Variants in ZNF490 observed in about 807,000 individuals in gnomAD.
ZNF490 encodes zinc finger protein 490.
In ZNF490, 11 loss-of-function variants were observed where a neutral mutation model predicts 17.7. The ratio of observed to expected loss-of-function variants is 0.62; its 90% confidence interval spans 0.39 to 1.03. The LOEUF is 1.03. Ranked by LOEUF, ZNF490 falls within the 50% of genes least tolerant of loss-of-function variation. The pLI is 0.00. For missense variants in ZNF490, 542 were observed against 643.4 expected, an observed-to-expected ratio of 0.84 and a Z score of 1.71; for synonymous variants, 222 against 216.1, an observed-to-expected ratio of 1.03 and a Z score of -0.24.
chr19:12,583,783 CTCTCTCTCTATATA>C (rs1383536492), intron 2 of ZNF490, among the ~76,000 whole-genome samples: 5 of 89,096 alleles, frequency 5.6e-5, no homozygotes, highest in African/African-American at 2.0e-4. Flanking sequence ...CTCTCTCTCT[CTCTCTCTCTATATA>C]TATATATATA....
At chr19:12,593,264 T>C (rs536052209) in intron 2 of ZNF490, among the ~76,000 whole-genome samples, 7 of 152,030 alleles carry the variant, frequency 4.6e-5, no homozygotes, top group Admixed American at 3.3e-4. Flanking sequence ...TTTTTTCCCT[T>C]TGAGATGAAG....
chr19:12,598,986 CAAA>C (rs961842896), intron 2 of ZNF490, among the ~76,000 whole-genome samples: 3 of 127,308 alleles, frequency 2.4e-5, no homozygotes, highest in Non-Finnish European at 3.3e-5. Context: ...GACTCCATCT[CAAA>C]AAAAAAAAAA....
chr19:12,601,951 A>G lies in ZNF490; in HGVS notation c.162+7207T>C, dbSNP rs376331654. On this transcript the variant is annotated intron_variant, in intron 2 of 4. Coordinates refer to ENST00000311437, the MANE Select transcript of ZNF490 (RefSeq NM_020714.3). The stretch of plus-strand genomic sequence containing the variant: ...GGAGCTTGCAGTGAGCCGAGATCGC[A>G]CCACTGCACTCCAGCCTGGGCGAGA... Among the ~76,000 whole-genome samples the G allele has an allele frequency of 1.1e-4, 17 of 151,642 alleles. No homozygotes were observed. In the East Asian group the frequency reaches 1.9e-3, roughly 17 times the overall value.
At chr19:12,583,318 C>T (rs1027367425) in intron 3 of ZNF490, 112 bp downstream of exon 3, 53 of 1,288,438 alleles carry the variant, frequency 4.1e-5, no homozygotes, top group South Asian at 2.6e-4. Flanking sequence ...GGATTACAGG[C>T]GCGAGCCACC....
rs147070493 is a variant in ZNF490 at position 12,605,547 on chromosome 19, G to A, written c.162+3611C>T. Among the ~76,000 whole-genome samples the A allele has an allele frequency of 2.7e-3, 405 of 151,950 alleles. 3 individuals are homozygous for A. The highest frequency in any genetic ancestry group is 7.1e-3 in the Admixed American group (108 of 15,248). On this transcript the variant is annotated intron_variant, in intron 2 of 4. Transcript: ENST00000311437. ...TAAGTAAAGTGTTTCTGTGAGTTCT[G>A]TAGGCTGCTACAGCAAATTAATCAA...
intron 1 of ZNF490, 65 bp downstream of exon 1, chr19:12,610,499 C>CT (rs927032271): frequency 1.6e-6 from 2 of 1,263,836 alleles, no homozygotes; most frequent in Admixed American, 3.4e-5. Flanking sequence ...GGGTAACCGT[C>CT]TGTTTATAAA....
In ZNF490 at chr19:12,576,774, G is replaced by A. The variant is rs981903212; in HGVS notation, c.*3711C>T. On this transcript the variant is annotated 3_prime_UTR_variant, in exon 5 of 5. Coordinates refer to ENST00000311437, the MANE Select transcript of ZNF490 (RefSeq NM_020714.3). ...GGAGGTTGCAGTGAGCCAAGATTGT[G>A]CCACTGCACTCCAGCCTGGCAACAG... Among the ~76,000 whole-genome samples, 11 of 131,044 alleles carry A rather than the reference G, an allele frequency of 8.4e-5. No individual in the cohort carries two copies. Among genetic ancestry groups the A allele is most frequent in the Non-Finnish European group, 1.4e-4 (9 of 65,946 alleles). The allele number at this position is 131,044 out of a possible 152,430, so 86.0% of individuals were successfully genotyped here. A position where few individuals can be genotyped will look rare whatever the true frequency, so the allele number is the denominator to read the frequency against.
rs2022712717 is a variant in ZNF490 at position 12,580,411 on chromosome 19, T to C, written c.*74A>G. 6.6e-7 allele frequency: 1 copy of C among 1,508,460 alleles called. No individual in the cohort carries two copies. Among genetic ancestry groups the C allele is most frequent in the South Asian group, 1.4e-5 (1 of 72,070 alleles). 93.4% of individuals were successfully genotyped at this position (1,508,460 alleles called of 1,614,324 possible). On this transcript the variant is annotated 3_prime_UTR_variant, in exon 5 of 5. Transcript: ENST00000311437. Reference sequence around the variant, plus strand: ...TCACACCGTTTACATTCCTTGAATTTCTCTCCAGCGTAAGTACTCTCATAC... The same window carrying C: ...TCACACCGTTTACATTCCTTGAATTCCTCTCCAGCGTAAGTACTCTCATAC...
intron 2 of ZNF490, among the ~76,000 whole-genome samples, chr19:12,583,791 C>CTATATATATATA (rs1267957541): frequency 2.9e-5 from 2 of 68,134 alleles, no homozygotes; most frequent in Non-Finnish European, 2.5e-5. Flanking sequence ...CTCTCTCTCT[C>CTATATATATATA]TATATATATA....
In ZNF490 at chr19:12,610,491, G is replaced by A. The variant is rs980241119; in HGVS notation, c.117+73C>T. On this transcript the variant is annotated intron_variant, in intron 1 of 4. Transcript: ENST00000311437. ...CACACTTTTTATTACACATGATGGG[G>A]TAACCGTCTGTTTATAAACAAGGGT... 4.2e-6 allele frequency: 5 copies of A among 1,198,786 alleles called. No individual in the cohort carries two copies. In the East Asian group the frequency reaches 9.4e-5, roughly 22 times the overall value. 74.3% of individuals were successfully genotyped at this position (1,198,786 alleles called of 1,614,324 possible). A position where few individuals can be genotyped will look rare whatever the true frequency, so the allele number is the denominator to read the frequency against.
intron 2 of ZNF490, among the ~76,000 whole-genome samples, chr19:12,594,308 A>G (rs1219801935): frequency 6.6e-6 from 1 of 152,124 alleles, no homozygotes; most frequent in Non-Finnish European, 1.5e-5. Flanking sequence ...TCTACTAAAA[A>G]TACAAAAATT....
rs1269399055 is a variant in ZNF490, at chr19:12,576,195, G to T, written c.*4290C>A. Among the ~76,000 whole-genome samples the T allele has an allele frequency of 6.6e-6, 1 of 152,044 alleles. No homozygotes were observed. On this transcript the variant is annotated 3_prime_UTR_variant, in exon 5 of 5. Coordinates refer to ENST00000311437, the MANE Select transcript of ZNF490 (RefSeq NM_020714.3). ...TTCAGTGTTAAGGGGGGTGCTCCCAGGGAAATCAGGCAAGAAAATGCAAGC... is the reference window on the plus strand; with the variant it reads ...TTCAGTGTTAAGGGGGGTGCTCCCATGGAAATCAGGCAAGAAAATGCAAGC...
chr19:12,589,523 T>C (rs999706456), intron 2 of ZNF490, among the ~76,000 whole-genome samples: 2 of 151,430 alleles, frequency 1.3e-5, no homozygotes, highest in African/African-American at 2.4e-5. Context: ...ATTGAACATC[T>C]ATTTATGATA....
chr19:12,589,311 C>A (rs969641755), intron 2 of ZNF490, among the ~76,000 whole-genome samples: 1 of 152,070 alleles, frequency 6.6e-6, no homozygotes, highest in Non-Finnish European at 1.5e-5. Flanking sequence ...GAGCCCAGAT[C>A]GCGCCATCAC....
chr19:12,599,914 A>C (rs2092411007), intron 2 of ZNF490, among the ~76,000 whole-genome samples: 1 of 152,212 alleles, frequency 6.6e-6, no homozygotes, highest in Admixed American at 6.6e-5. Flanking sequence ...CTGTAAATTG[A>C]ATATTAAAAT....
chr19:12,580,626 G>C lies in ZNF490; in HGVS notation c.1449C>G (p.Phe483Leu). Residue 483 changes from phenylalanine to leucine, a missense_variant, in exon 5 of 5, where the codon TTC becomes TTG. Physicochemically the swap from Phe to Leu is conservative, Grantham distance 22 (BLOSUM62 0). Coordinates refer to ENST00000311437, the MANE Select transcript of ZNF490 (RefSeq NM_020714.3). ...GTACTTTCAGGGAATTTAAACAAGT[G>C]AAAGCTTTGCCACACTGCTTACACT... ...PCECKQCGKA[F>L]TCLNSLKVHK... is the part of the protein sequence containing the mutation. The C allele has an allele frequency of 6.2e-7, 1 of 1,614,178 alleles. No individual in the cohort carries two copies. The highest frequency in any genetic ancestry group is 8.5e-7 in the Non-Finnish European group (1 of 1,180,040).
chr19:12,595,420 T>A (rs1167604112), intron 2 of ZNF490, among the ~76,000 whole-genome samples: 1 of 152,106 alleles, frequency 6.6e-6, no homozygotes, highest in Non-Finnish European at 1.5e-5. Context: ...GCCTTTTTTT[T>A]AGTTGCATAA....
rs2022769727 is a variant in ZNF490 at position 12,583,681 on chromosome 19, G to T, written c.163-125C>A. 4.2e-6 allele frequency: 4 copies of T among 941,330 alleles called. No individual in the cohort carries two copies. The African/African-American group carries it at 7.0e-5, about 16-fold the overall frequency. 58.3% of individuals were successfully genotyped at this position (941,330 alleles called of 1,614,324 possible). A position where few individuals can be genotyped will look rare whatever the true frequency, so the allele number is the denominator to read the frequency against. ...CTCGGTTTAGTGGTATAACTTGGTTGTCAGAACTCTTGACTCTTTCCATAC... is the reference window on the plus strand; with the variant it reads ...CTCGGTTTAGTGGTATAACTTGGTTTTCAGAACTCTTGACTCTTTCCATAC... On this transcript the variant is annotated intron_variant, in intron 2 of 4. Coordinates refer to ENST00000311437, the MANE Select transcript of ZNF490 (RefSeq NM_020714.3).
intron 2 of ZNF490, among the ~76,000 whole-genome samples, chr19:12,599,276 T>A (rs771747175): frequency 6.6e-6 from 1 of 151,838 alleles, no homozygotes; most frequent in Non-Finnish European, 1.5e-5. Flanking sequence ...GGATCTTGTA[T>A]GATAGATTCT....
Sources: gnomAD v4.1 joint callset for allele counts (sites outside exome capture counted in the v4.1 genomes callset) on GRCh38, gnomAD v4.1.1 for gene constraint, MANE v1.5 for transcripts, NCBI Gene and HGNC (gene_info 2026-07-23, HGNC 2026-07-21) for gene names.